The following FAM131C variants were observed in gnomAD, a reference collection of about 807,000 sequenced individuals.
FAM131C encodes the protein family with sequence similarity 131 member C.
FAM131C carries 14 observed loss-of-function variants against 29.8 expected under a neutral mutation model. The ratio of observed to expected loss-of-function variants is 0.47; its 90% CI spans 0.31 to 0.73. The LOEUF (loss-of-function observed/expected upper bound fraction) is 0.73. Ranked by LOEUF, FAM131C falls within the 30% of genes least tolerant of loss-of-function variation. The pLI is 0.05. For missense variants in FAM131C, 252 were observed against 383.8 expected (o/e 0.66, Z 2.87); for synonymous variants, 86 against 157.8 (o/e 0.54, Z 3.41).
chr1:16,063,763 A>AGACT, intron 1 of FAM131C, 127 bp from the exon 2 acceptor site: 1 of 610,858 alleles, frequency 1.6e-6, no homozygotes, highest in Non-Finnish European at 2.8e-6. Context: ...TAGAGAAAGC[A>AGACT]GACTCAAGTC....
At chr1:16,071,922 G>A (rs2023754190) in intron 1 of FAM131C, among the ~76,000 whole-genome samples, 1 of 152,218 alleles carries the variant, frequency 6.6e-6, no homozygotes, top group African/African-American at 2.4e-5. Context: ...GGGTGGCCAA[G>A]TGAAGGGGAA....
intron 1 of FAM131C, among the ~76,000 whole-genome samples, chr1:16,072,132 C>T (rs2023758179): frequency 6.6e-6 from 1 of 152,172 alleles, no homozygotes; most frequent in South Asian, 2.1e-4. Flanking sequence ...TGCTGGATGC[C>T]CAGCATGCAC....
intron 2 of FAM131C, among the ~76,000 whole-genome samples, chr1:16,063,250 G>A (rs889161919): frequency 7.9e-5 from 12 of 151,510 alleles, no homozygotes; most frequent in African/African-American, 2.2e-4. Flanking sequence ...GGCTGGTAGC[G>A]GCATGTGTTG....
intron 6 of FAM131C, 47 bp downstream of exon 6, chr1:16,059,447 C>G: frequency 6.3e-7 from 1 of 1,589,126 alleles, no homozygotes; most frequent in Non-Finnish European, 8.6e-7. Flanking sequence ...CATCCAGAAT[C>G]AGCTCCACTC....
intron 4 of FAM131C, among the ~76,000 whole-genome samples, chr1:16,061,357 G>A (rs934320866): frequency 2.6e-5 from 4 of 152,160 alleles, no homozygotes; most frequent in Non-Finnish European, 5.9e-5. Flanking sequence ...CCTCAGGGGA[G>A]CTGGGTGGGA....
chr1:16,070,757 AC>A (rs1284137920), intron 1 of FAM131C, among the ~76,000 whole-genome samples: 2 of 152,216 alleles, frequency 1.3e-5, no homozygotes, highest in African/African-American at 4.8e-5. Context: ...CCGCCCAGCA[AC>A]CCTATGACAT....
At chr1:16,062,771 G>A (rs1191787124) in intron 2 of FAM131C, among the ~76,000 whole-genome samples, 3 of 152,394 alleles carry the variant, frequency 2.0e-5, no homozygotes, top group African/African-American at 4.8e-5. Context: ...GAGCAGGCTT[G>A]GGTGTGGGCT....
Position 16,062,544 on chromosome 1 carries a change from G to C in FAM131C, c.139-10C>G. 1.3e-6 allele frequency: 2 copies of C among 1,559,198 alleles called. No homozygotes were observed. Among genetic ancestry groups the C allele is most frequent in the Non-Finnish European group, 1.7e-6 (2 of 1,158,098 alleles). The stretch of plus-strand genomic sequence containing the variant: ...AATCCATCTGTTTGTCCTAAAACAA[G>C]AGGAGAGAGAGGATCAGGCAGGGCC... On this transcript the variant is annotated splice_polypyrimidine_tract_variant and intron_variant, in intron 2 of 6. Coordinates refer to ENST00000375662, the MANE Select transcript of FAM131C (RefSeq NM_182623.3).
chr1:16,059,625 A>C (rs1310159283), intron 5 of FAM131C, 21 bp from the exon 6 acceptor site: 24 of 1,566,212 alleles, frequency 1.5e-5, no homozygotes, highest in Non-Finnish European at 2.0e-5. Context: ...AGCGAGATCC[A>C]GCTCAGGGGG....
chr1:16,061,027 CA>C (rs1306468004), intron 4 of FAM131C, among the ~76,000 whole-genome samples: 1 of 152,126 alleles, frequency 6.6e-6, no homozygotes, highest in Non-Finnish European at 1.5e-5. Context: ...AATGGTTCAG[CA>C]TCACCATTAA....
intron 1 of FAM131C, 113 bp downstream of exon 1, chr1:16,073,308 G>A: frequency 1.9e-6 from 1 of 527,224 alleles, no homozygotes; most frequent in Non-Finnish European, 2.8e-6. Flanking sequence ...CCAGGGGTGC[G>A]GCGGGGCCGT....
intron 4 of FAM131C, among the ~76,000 whole-genome samples, chr1:16,060,275 G>T (rs2023576318): frequency 1.7e-5 from 2 of 120,442 alleles, no homozygotes; most frequent in African/African-American, 5.2e-5. Context: ...CGAGCTCTGT[G>T]GCCCCCTTCC....
At chr1:16,063,389 C>G (rs1311803438) in intron 2 of FAM131C, 132 bp downstream of exon 2, 2 of 693,170 alleles carry the variant, frequency 2.9e-6, no homozygotes, top group Admixed American at 2.1e-5. Context: ...GGCCTTAGGG[C>G]CCCTGGTCCC....
chr1:16,072,260 G>C (rs544489995), intron 1 of FAM131C, among the ~76,000 whole-genome samples: 1 of 152,132 alleles, frequency 6.6e-6, no homozygotes, highest in Non-Finnish European at 1.5e-5. Flanking sequence ...ATTCCACCCC[G>C]ATACCTCCCA....
rs140837783 is a variant in FAM131C, at chr1:16,063,550, T to G, written c.109A>C (p.Thr37Pro). The change falls in exon 2 of 7, where the codon ACC becomes CCC. Residue 37 changes from threonine (T) to proline (P), a missense_variant. Around this residue, in one of 6 missense-constraint regions of FAM131C, gnomAD observed 76 missense variants for 62.8 expected, o/e 1.21. Coordinates refer to ENST00000375662, the MANE Select transcript of FAM131C (RefSeq NM_182623.3). ...CCAATGACACAGTCTGGAGCCACGG[T>G]GGGAGTGCGGCCCGAGGGCAGATCT... Reference protein sequence around the residue: ...NPDLPSGRTPTVAPDCVIGKD... With the variant: ...NPDLPSGRTPPVAPDCVIGKD... The G allele has an allele frequency of 1.2e-6, 2 of 1,613,828 alleles. No homozygotes were observed. Among genetic ancestry groups the G allele is most frequent in the East Asian group, 4.5e-5 (2 of 44,868 alleles).
At chr1:16,070,771 A>G (rs2124136631) in intron 1 of FAM131C, among the ~76,000 whole-genome samples, 1 of 152,352 alleles carries the variant, frequency 6.6e-6, no homozygotes, top group South Asian at 2.1e-4. Flanking sequence ...TATGACATCA[A>G]TACTATTATA....
Position 16,063,196 on chromosome 1 carries a change from T to C in FAM131C, c.138+325A>G, listed in dbSNP as rs115872766. On this transcript the variant is annotated intron_variant, in intron 2 of 6. Transcript: ENST00000375662. ...TATATTTATATACAAATTATATGTA[T>C]AACATAACATATATAAAATTTGTGA... is the stretch of plus-strand genomic sequence containing the variant. Among the ~76,000 whole-genome samples the C allele has an allele frequency of 3.9e-3, 583 of 149,568 alleles. 2 individuals are homozygous for C. Among genetic ancestry groups the C allele is most frequent in the African/African-American group, 0.013 (553 of 41,056 alleles).
chr1:16,072,702 G>T (rs1343883655), intron 1 of FAM131C, among the ~76,000 whole-genome samples: 2 of 152,122 alleles, frequency 1.3e-5, no homozygotes, highest in East Asian at 1.9e-4. Context: ...AGATAGAAGA[G>T]GCTGGGGCCT....
intron 1 of FAM131C, among the ~76,000 whole-genome samples, chr1:16,069,014 C>T (rs2023717811): frequency 1.3e-5 from 2 of 152,320 alleles, no homozygotes; most frequent in South Asian, 4.1e-4. Context: ...CACCCATGAT[C>T]TCTCATTTAA....
Sources: allele counts gnomAD v4.1 joint callset (sites outside exome capture counted in the v4.1 genomes callset), GRCh38; gene constraint gnomAD v4.1.1; regional missense constraint gnomAD v4.1.1; transcripts MANE v1.5; gene names NCBI Gene and HGNC (gene_info 2026-07-23, HGNC 2026-07-21).